Variants in PGM2L1 observed in about 807,000 individuals in gnomAD.
PGM2L1 encodes the protein glucose 1,6-bisphosphate synthase.
In PGM2L1, 35 loss-of-function variants were observed where a neutral mutation model predicts 73.4. The observed-to-expected ratio is 0.48, with a 90% confidence interval of 0.36 to 0.63. The LOEUF is 0.63. PGM2L1 is among the 30% of genes least tolerant of loss of function. PGM2L1 has a pLI of 0.00. For synonymous variants in PGM2L1, 225 were observed against 253.8 expected (o/e 0.89, Z 1.08); for missense variants, 570 against 742.0 (o/e 0.77, Z 2.69).
intron 12 of PGM2L1, 77 bp from the exon 13 acceptor site, chr11:74,338,678 T>C (rs1356117117): frequency 1.1e-5 from 16 of 1,472,794 alleles, no homozygotes; most frequent in African/African-American, 4.1e-5. Context: ...AATTGTAAAA[T>C]ATAGTCCACT....
At chr11:74,356,249 C>A (rs907589406) in intron 5 of PGM2L1, among the ~76,000 whole-genome samples, 3 of 151,918 alleles carry the variant, frequency 2.0e-5, no homozygotes, top group Non-Finnish European at 4.4e-5. Context: ...ACTATTGTGA[C>A]CTGAACTTCA....
At chr11:74,367,283 T>C (rs1255990942) in intron 5 of PGM2L1, among the ~76,000 whole-genome samples, 2 of 152,192 alleles carry the variant, frequency 1.3e-5, no homozygotes. Flanking sequence ...GGCAGTTGGC[T>C]ATGTAGTCAG....
intron 1 of PGM2L1, among the ~76,000 whole-genome samples, chr11:74,388,744 A>G (rs1333103213): frequency 6.6e-6 from 1 of 152,194 alleles, no homozygotes; most frequent in Non-Finnish European, 1.5e-5. Context: ...ACTCCTCATT[A>G]AATGACTTGG....
In PGM2L1 at chr11:74,336,706, C is replaced by T. The variant is rs1227109812; in HGVS notation, c.1815G>A (p.Leu605=). The T allele has an allele frequency of 1.2e-6, 2 of 1,613,010 alleles. No homozygotes were observed. Among genetic ancestry groups the T allele is most frequent in the Admixed American group, 1.7e-5 (1 of 59,910 alleles). Reference sequence around the variant, plus strand: ...TACTAGGCTGAAGAAAATTCTCTATCAGAGCATCAATGAGTTTCTTCAGTT... The same window carrying T: ...TACTAGGCTGAAGAAAATTCTCTATTAGAGCATCAATGAGTTTCTTCAGTT... The part of the protein sequence containing the change: ...EEELKKLIDA[L]IENFLQPSKN... The change falls in exon 14 of 14, where the codon CTG becomes CTA. Residue 605 remains leucine (L), a synonymous_variant. Transcript: ENST00000298198.
chr11:74,368,836 T>C (rs1862703039), intron 4 of PGM2L1, among the ~76,000 whole-genome samples: 1 of 152,242 alleles, frequency 6.6e-6, no homozygotes, highest in Non-Finnish European at 1.5e-5. Flanking sequence ...ATCTTTTTTT[T>C]CCTTATATAT....
intron 2 of PGM2L1, among the ~76,000 whole-genome samples, chr11:74,373,823 G>A (rs1862812408): frequency 6.6e-6 from 1 of 151,948 alleles, no homozygotes; most frequent in Non-Finnish European, 1.5e-5. Context: ...ACATTTCTTG[G>A]TTTCAAATGC....
intron 10 of PGM2L1, 51 bp downstream of exon 10, chr11:74,343,272 A>G (rs1284374148): frequency 2.6e-6 from 4 of 1,526,714 alleles, no homozygotes; most frequent in Non-Finnish European, 3.5e-6. Context: ...ACAGAATTAC[A>G]TTTTAAAAAT....
chr11:74,376,718 A>C (rs985973207), intron 1 of PGM2L1, among the ~76,000 whole-genome samples: 3 of 152,130 alleles, frequency 2.0e-5, no homozygotes, highest in Admixed American at 6.5e-5. Flanking sequence ...GTAGGGCCTA[A>C]AAATTCCATT....
At chr11:74,356,706 A>T (rs1257115477) in intron 5 of PGM2L1, among the ~76,000 whole-genome samples, 1 of 152,256 alleles carries the variant, frequency 6.6e-6, no homozygotes, top group Non-Finnish European at 1.5e-5. Flanking sequence ...TACTTTTTAC[A>T]TATGAAGAGT....
intron 5 of PGM2L1, chr11:74,355,280 G>A (rs140995580): frequency 9.4e-5 from 93 of 993,626 alleles, no homozygotes; most frequent in African/African-American, 1.3e-4. Flanking sequence ...TCAGCCAGGC[G>A]TGGTGGCTCA....
chr11:74,355,199 A>G lies in PGM2L1; in HGVS notation c.556-3623T>C, dbSNP rs180852759. 6,046 of 1,439,992 alleles carry G rather than the reference A, an allele frequency of 4.2e-3. 77 individuals carry two copies. The highest frequency in any genetic ancestry group is 0.032 in the Middle Eastern group (130 of 4,126). 89.2% of individuals were successfully genotyped at this position (1,439,992 alleles called of 1,614,324 possible). The stretch of plus-strand genomic sequence containing the variant: ...GCTATAACAGATTTGGTAATGATGG[A>G]AGCAATTTTGGAGGTGGTGGAAGCT... On this transcript the variant is annotated intron_variant, in intron 5 of 13. Coordinates refer to ENST00000298198, the MANE Select transcript of PGM2L1 (RefSeq NM_173582.6).
Position 74,336,415 on chromosome 11 carries a change from TG to T in PGM2L1, c.*236del. The T allele has an allele frequency of 3.3e-6, 1 of 299,218 alleles. No individual in the cohort carries two copies. 18.5% of individuals were successfully genotyped at this position (299,218 alleles called of 1,614,324 possible). ...CAATACGTTACTATAATACTTTTAG[TG>T]TAATAACTTTTGTTTGAATTATGAA... On this transcript the variant is annotated 3_prime_UTR_variant, in exon 14 of 14. Coordinates refer to ENST00000298198, the MANE Select transcript of PGM2L1 (RefSeq NM_173582.6).
chr11:74,397,956 T>A, intron 1 of PGM2L1, 95 bp downstream of exon 1: 1 of 1,403,086 alleles, frequency 7.1e-7, no homozygotes, highest in Non-Finnish European at 9.3e-7. Context: ...TCCCGAGCCA[T>A]CTCCTCTGCA....
intron 1 of PGM2L1, among the ~76,000 whole-genome samples, chr11:74,388,421 C>G (rs1863046051): frequency 6.6e-6 from 1 of 152,006 alleles, no homozygotes; most frequent in East Asian, 1.9e-4. Context: ...ACATATAGAG[C>G]CATGCTATTC....
At position 74,370,884 on chromosome 11, in the gene PGM2L1, C is replaced by T; in HGVS notation, c.471+18G>A. ...TCAAGAGCAGCAAGCTATATGATCACCAACACAACACACTTACTACAAAAG... is the reference window on the plus strand; with the variant it reads ...TCAAGAGCAGCAAGCTATATGATCATCAACACAACACACTTACTACAAAAG... On this transcript the variant is annotated intron_variant, in intron 4 of 13. Transcript: ENST00000298198. The T allele has an allele frequency of 6.3e-7, 1 of 1,580,826 alleles. No individual in the cohort carries two copies. The highest frequency in any genetic ancestry group is 8.7e-7 in the Non-Finnish European group (1 of 1,152,360).
chr11:74,372,044 G>A (rs1038899214), intron 2 of PGM2L1, among the ~76,000 whole-genome samples: 8 of 151,090 alleles, frequency 5.3e-5, no homozygotes, highest in African/African-American at 9.7e-5. Flanking sequence ...TGGAAATACC[G>A]ATTTAGTAAC....
rs888496193 is a variant in PGM2L1, at chr11:74,332,743, C to G, written c.*3909G>C. On this transcript the variant is annotated 3_prime_UTR_variant, in exon 14 of 14. Transcript: ENST00000298198. ...CCTGTTGCATCAATTCCAGAAGCAA[C>G]TTGCTTAAGAAATGGGAGGTCTATT... 3.3e-5 allele frequency: 5 copies of G among 152,392 alleles called. No individual in the cohort carries two copies. The highest frequency in any genetic ancestry group is 9.7e-5 in the African/African-American group (4 of 41,444). The allele number at this position is 152,392 out of a possible 1,614,324, so 9.4% of individuals were successfully genotyped here.
chr11:74,355,066 G>C, intron 5 of PGM2L1: 1 of 1,305,044 alleles, frequency 7.7e-7, no homozygotes, highest in Admixed American at 1.7e-5. Context: ...GGTGGTCGTG[G>C]AGGTGGTTTT....
At chr11:74,394,193 C>A (rs1863142319) in intron 1 of PGM2L1, among the ~76,000 whole-genome samples, 1 of 152,110 alleles carries the variant, frequency 6.6e-6, no homozygotes, top group African/African-American at 2.4e-5. Context: ...TATCTGACTC[C>A]CTGTGATTTG....
Sources: allele counts gnomAD v4.1 joint callset (sites outside exome capture counted in the v4.1 genomes callset), GRCh38; gene constraint gnomAD v4.1.1; transcripts MANE v1.5; gene names NCBI Gene and HGNC (gene_info 2026-07-23, HGNC 2026-07-21).